ETNPPL: variants seen among roughly 807,000 people sequenced by gnomAD.
ETNPPL encodes ethanolamine-phosphate phospho-lyase.
A neutral mutation model predicts 55.5 loss-of-function variants in ETNPPL; 30 were observed. That is an observed-to-expected ratio of 0.54 (90% CI 0.40 to 0.73). The LOEUF (loss-of-function observed/expected upper bound fraction) is 0.73, where lower values mean the gene tolerates loss of function less well. Ranked by LOEUF, ETNPPL falls within the 30% of genes least tolerant of loss-of-function variation. The pLI is 0.00. For missense variants in ETNPPL, 528 were observed against 607.9 expected (o/e 0.87, Z 1.38); for synonymous variants, 202 against 207.2 (o/e 0.98, Z 0.21).
chr4:108,747,241 A>T (rs1471070439), intron 9 of ETNPPL, among the ~76,000 whole-genome samples: 1 of 43,284 alleles, frequency 2.3e-5, no homozygotes, highest in African/African-American at 1.9e-4. Context: ...TATATATATA[A>T]TATATATATA....
chr4:108,744,938 T>C (rs1451387194), intron 11 of ETNPPL, among the ~76,000 whole-genome samples: 1 of 152,126 alleles, frequency 6.6e-6, no homozygotes, highest in Non-Finnish European at 1.5e-5. Flanking sequence ...TTGCCCAGGC[T>C]AGTCTCCAGC....
In ETNPPL at chr4:108,743,860, A is replaced by G. The variant is rs10035050; in HGVS notation, c.1304-4T>C. 65,805 of 1,598,818 alleles carry G rather than the reference A, an allele frequency of 0.041. 4,742 individuals are homozygous for G. The highest frequency in any genetic ancestry group is 0.32 in the African/African-American group (23,471 of 74,114). On this transcript the variant is annotated splice_region_variant and splice_polypyrimidine_tract_variant and intron_variant, in intron 11 of 12. Coordinates refer to ENST00000296486, the MANE Select transcript of ETNPPL (RefSeq NM_031279.4). ...GTTCCCATAGCTTCTTCTAAAACTGAATCAAGGAAGGTATTATGGAGAAGA... is the reference window on the plus strand; with the variant it reads ...GTTCCCATAGCTTCTTCTAAAACTGGATCAAGGAAGGTATTATGGAGAAGA...
chr4:108,750,572 CA>C (rs1728852630), intron 7 of ETNPPL, among the ~76,000 whole-genome samples: 1 of 134,926 alleles, frequency 7.4e-6, no homozygotes, highest in Non-Finnish European at 1.5e-5. Flanking sequence ...GATATATATA[CA>C]ATATATATGA....
chr4:108,749,440 A>G lies in ETNPPL; in HGVS notation c.725T>C (p.Val242Ala), dbSNP rs760677512. 6.2e-7 allele frequency: 1 copy of G among 1,613,812 alleles called. No homozygotes were observed. Among genetic ancestry groups the G allele is most frequent in the Non-Finnish European group, 8.5e-7 (1 of 1,179,912 alleles). Residue 242 changes from valine (V) to alanine (A), a missense_variant, in exon 8 of 13, where the codon GTG becomes GCG. Physicochemically the swap from Val to Ala is moderately conservative, Grantham distance 64. Coordinates refer to ENST00000296486, the MANE Select transcript of ETNPPL (RefSeq NM_031279.4). Reference protein sequence around the residue: ...VAEYVHGAGGVFIADEVQVGF... With the variant: ...VAEYVHGAGGAFIADEVQVGF... ...CACTTGAACTTCATCAGCTATAAAC[A>G]CACCCCCTGCACCGTGTACATATCT...
intron 4 of ETNPPL, 87 bp from the exon 5 acceptor site, chr4:108,754,797 T>C: frequency 1.3e-6 from 1 of 780,814 alleles, no homozygotes; most frequent in East Asian, 2.5e-5. Context: ...TTGCATTTCA[T>C]CCATATGCAT....
intron 3 of ETNPPL, 98 bp from the exon 4 acceptor site, chr4:108,756,590 G>A (rs1242699082): frequency 1.0e-5 from 9 of 871,204 alleles, no homozygotes; most frequent in African/African-American, 3.3e-5. Flanking sequence ...TAATCCTAGC[G>A]CTTTGAGAGG....
intron 1 of ETNPPL, among the ~76,000 whole-genome samples, chr4:108,760,901 T>C (rs1729482605): frequency 6.6e-6 from 1 of 152,160 alleles, no homozygotes; most frequent in Non-Finnish European, 1.5e-5. Context: ...TTCAATCTAA[T>C]GTATAAAGAC....
rs138047535 is a variant in ETNPPL, at chr4:108,746,263, T to A, written c.1303+136A>T. The A allele has an allele frequency of 1.2e-3, 823 of 692,828 alleles. 7 individuals are homozygous for A. The African/African-American group carries it at 0.013, about 11-fold the overall frequency. The allele number at this position is 692,828 out of a possible 1,614,324, so 42.9% of individuals were successfully genotyped here. On this transcript the variant is annotated intron_variant, in intron 11 of 12. Transcript: ENST00000296486. ...TCTTTTTCTAGTCCTAAATGGAAAG[T>A]TACACATTTATTTCTGCCCTGCCTC...
intron 8 of ETNPPL, 97 bp downstream of exon 8, chr4:108,749,141 G>A (rs899420873): frequency 2.1e-5 from 18 of 859,386 alleles, no homozygotes; most frequent in African/African-American, 5.1e-5. Context: ...GTGGTTAGCC[G>A]GCAATACTGA....
intron 5 of ETNPPL, among the ~76,000 whole-genome samples, chr4:108,753,276 A>C (rs1403565376): frequency 6.6e-6 from 1 of 152,208 alleles, no homozygotes; most frequent in Admixed American, 6.5e-5. Flanking sequence ...CATTCAAATC[A>C]ACAAATGTGA....
intron 6 of ETNPPL, among the ~76,000 whole-genome samples, chr4:108,751,977 T>C (rs1459369507): frequency 6.6e-6 from 1 of 152,200 alleles, no homozygotes; most frequent in Non-Finnish European, 1.5e-5. Context: ...CTAAAAGTGT[T>C]GTTTGCCATT....
intron 6 of ETNPPL, among the ~76,000 whole-genome samples, chr4:108,752,064 C>T (rs1728940502): frequency 6.6e-6 from 1 of 151,970 alleles, no homozygotes; most frequent in Non-Finnish European, 1.5e-5. Flanking sequence ...TTAGGTCTAC[C>T]TGCACAGATG....
intron 12 of ETNPPL, among the ~76,000 whole-genome samples, chr4:108,743,573 T>G (rs1359008176): frequency 6.6e-6 from 1 of 152,204 alleles, no homozygotes; most frequent in Admixed American, 6.5e-5. Context: ...GGAATGATCC[T>G]GTAAGAATGG....
chr4:108,762,485 G>C (rs1729554898), intron 1 of ETNPPL: 1 of 657,984 alleles, frequency 1.5e-6, no homozygotes, highest in African/African-American at 1.8e-5. Flanking sequence ...GTGTGGGGGT[G>C]GCGGAGCGCT....
At chr4:108,748,879 T>C (rs1185654024) in intron 8 of ETNPPL, among the ~76,000 whole-genome samples, 4 of 151,970 alleles carry the variant, frequency 2.6e-5, no homozygotes, top group Non-Finnish European at 4.4e-5. Context: ...CAAGCAGAAA[T>C]ACAAGGAGCA....
intron 1 of ETNPPL, among the ~76,000 whole-genome samples, chr4:108,761,416 T>A (rs1343915949): frequency 1.3e-5 from 2 of 152,158 alleles, no homozygotes; most frequent in African/African-American, 4.8e-5. Context: ...TCAGCTGAAA[T>A]GAAAATAGTA....
Position 108,743,926 on chromosome 4 carries a change from T to C in ETNPPL, c.1304-70A>G, listed in dbSNP as rs74632314. 2.0e-3 allele frequency: 1,882 copies of C among 952,996 alleles called. 25 individuals are homozygous for C. The East Asian group carries it at 0.033, about 17-fold the overall frequency. 59.0% of individuals were successfully genotyped at this position (952,996 alleles called of 1,614,324 possible). A position where few individuals can be genotyped will look rare whatever the true frequency, so the allele number is the denominator to read the frequency against. On this transcript the variant is annotated intron_variant, in intron 11 of 12. Coordinates refer to ENST00000296486, the MANE Select transcript of ETNPPL (RefSeq NM_031279.4). The stretch of plus-strand genomic sequence containing the variant: ...ACCTTAAGAAAAAAACTTTTTGGTA[T>C]CTTAGCAATACCTTTAATGAAGAAT...
In ETNPPL at chr4:108,759,756, T is replaced by C. The variant is rs1729414996; in HGVS notation, c.328A>G (p.Asn110Asp). The change falls in exon 3 of 13, where the codon AAT (asparagine) becomes GAT (aspartate). Residue 110 changes from asparagine to aspartate, a missense_variant. By Grantham distance (23) the Asn-to-Asp change is conservative (BLOSUM62 1). Transcript: ENST00000296486. ...GGAAACCATGAAGCATACCCTGAAT[T>C]TGTAAAATAACAAACAGAGAGTTTC... ...PEKLSVCYFT[N>D]SGSEANDLAL... is the part of the protein sequence containing the mutation. The C allele has an allele frequency of 1.9e-6, 3 of 1,613,898 alleles. No individual in the cohort carries two copies. The highest frequency in any genetic ancestry group is 2.7e-5 in the African/African-American group (2 of 74,896).
At chr4:108,749,492 T>A in intron 7 of ETNPPL, 29 bp from the exon 8 acceptor site, 1 of 1,546,628 alleles carries the variant, frequency 6.5e-7, no homozygotes, top group Non-Finnish European at 8.9e-7. Context: ...GTCTAATGCC[T>A]TCAGGTCACT....
Sources: gnomAD v4.1 joint callset for allele counts (sites outside exome capture counted in the v4.1 genomes callset) on GRCh38, gnomAD v4.1.1 for gene constraint, MANE v1.5 for transcripts, NCBI Gene and HGNC (gene_info 2026-07-23, HGNC 2026-07-21) for gene names.